The following ATRN variants were observed in gnomAD, a reference collection of about 807,000 sequenced individuals.
ATRN encodes attractin, also known as attractin-2.
In ATRN, 54 loss-of-function variants were observed where a neutral mutation model predicts 178.7. That is an observed-to-expected ratio of 0.30 (90% CI 0.24 to 0.38). The LOEUF is 0.38. ATRN is among the 10% of genes least tolerant of loss of function. ATRN has a pLI of 1.00. For synonymous variants in ATRN, 636 were observed against 663.0 expected (o/e 0.96, Z 0.63); for missense variants, 1,443 against 1,815.1 (o/e 0.79, Z 3.73).
chr20:3,626,196 C>T (rs2086937515), intron 25 of ATRN, among the ~76,000 whole-genome samples: 1 of 147,184 alleles, frequency 6.8e-6, no homozygotes, highest in East Asian at 2.0e-4. Flanking sequence ...TGCACCACTG[C>T]ACTCCATCCT....
At chr20:3,498,290 C>G (rs2084908772) in intron 1 of ATRN, among the ~76,000 whole-genome samples, 1 of 152,138 alleles carries the variant, frequency 6.6e-6, no homozygotes, top group Non-Finnish European at 1.5e-5. Context: ...TGAAACTATT[C>G]CAGTCAATAG....
intron 1 of ATRN, chr20:3,489,762 T>A (rs933095647): frequency 2.8e-6 from 4 of 1,448,610 alleles, no homozygotes; most frequent in East Asian, 2.3e-5. Flanking sequence ...TTCAGCAAAG[T>A]GTCACTGGAA....
At chr20:3,517,706 G>A (rs967571860) in intron 1 of ATRN, among the ~76,000 whole-genome samples, 1 of 151,292 alleles carries the variant, frequency 6.6e-6, no homozygotes, top group African/African-American at 2.4e-5. Flanking sequence ...AGGAGACGGA[G>A]GTTGCAGTCA....
At position 3,547,456 on chromosome 20, in the gene ATRN, G is replaced by A. The variant is rs774183730; in HGVS notation, c.910G>A (p.Val304Ile). 2.5e-6 allele frequency: 4 copies of A among 1,614,154 alleles called. No homozygotes were observed. In the South Asian group the frequency reaches 4.4e-5, roughly 18 times the overall value. The change falls in exon 5 of 29, where the codon GTC (valine) becomes ATC (isoleucine). Residue 304 changes from valine (V) to isoleucine (I), a missense_variant. Around this residue, in one of 4 missense-constraint regions of ATRN, gnomAD observed 862 missense variants for 972.1 expected, o/e 0.89. Transcript: ENST00000262919. ...PHRGICNSSD[V>I]RGCSCFSDWQ... Reference sequence around the variant, plus strand: ...TCGAGGCATCTGCAATTCAAGTGATGTCAGAGGATGCTCCTGCTTCTCAGA... The same window carrying A: ...TCGAGGCATCTGCAATTCAAGTGATATCAGAGGATGCTCCTGCTTCTCAGA...
intron 25 of ATRN, among the ~76,000 whole-genome samples, chr20:3,626,035 C>G (rs891150728): frequency 6.6e-6 from 1 of 151,964 alleles, no homozygotes; most frequent in Non-Finnish European, 1.5e-5. Flanking sequence ...AGTTCGAGAC[C>G]AGCCTGGACA....
intron 12 of ATRN, among the ~76,000 whole-genome samples, chr20:3,575,451 A>G (rs868535026): frequency 4.2e-4 from 64 of 152,300 alleles, no homozygotes; most frequent in African/African-American, 1.4e-3. Context: ...ACTAGGAGGA[A>G]TGACTTGGTG....
chr20:3,584,142 A>C, intron 17 of ATRN, 59 bp downstream of exon 17: 7 of 1,533,942 alleles, frequency 4.6e-6, no homozygotes, highest in South Asian at 2.3e-5. Context: ...GCAACAACTC[A>C]GCCATGAGGC....
intron 24 of ATRN, among the ~76,000 whole-genome samples, chr20:3,622,254 A>T (rs1324175438): frequency 6.6e-6 from 1 of 152,352 alleles, no homozygotes; most frequent in African/African-American, 2.4e-5. Flanking sequence ...AATCTCGTTT[A>T]GAGAATTATG....
chr20:3,562,197 G>T, intron 8 of ATRN, 79 bp from the exon 9 acceptor site: 2 of 1,232,628 alleles, frequency 1.6e-6, no homozygotes, highest in African/African-American at 1.5e-5. Context: ...CCATTCTCAT[G>T]CCCTAAGCTC....
At chr20:3,558,570 A>T (rs1647672765) in intron 6 of ATRN, among the ~76,000 whole-genome samples, 1 of 152,028 alleles carries the variant, frequency 6.6e-6, no homozygotes, top group South Asian at 2.1e-4. Flanking sequence ...AAAATAATTA[A>T]AATCAACACT....
intron 1 of ATRN, among the ~76,000 whole-genome samples, chr20:3,475,341 G>A (rs1162529108): frequency 6.6e-6 from 1 of 152,100 alleles, no homozygotes; most frequent in Non-Finnish European, 1.5e-5. Flanking sequence ...GTGCCACAGA[G>A]CATTTTCATG....
intron 1 of ATRN, among the ~76,000 whole-genome samples, chr20:3,498,843 C>T (rs1482566047): frequency 2.8e-5 from 4 of 142,364 alleles, no homozygotes; most frequent in Non-Finnish European, 6.2e-5. Flanking sequence ...GGCAATTAGG[C>T]AGGAGAAGGA....
At chr20:3,597,164 A>G (rs987698165) in intron 21 of ATRN, among the ~76,000 whole-genome samples, 1 of 151,062 alleles carries the variant, frequency 6.6e-6, no homozygotes, top group African/African-American at 2.4e-5. Flanking sequence ...ATTCATAAAT[A>G]AAAAGTAGAC....
intron 10 of ATRN, among the ~76,000 whole-genome samples, chr20:3,564,326 C>A (rs908460039): frequency 6.6e-6 from 1 of 152,182 alleles, no homozygotes; most frequent in African/African-American, 2.4e-5. Flanking sequence ...ACAGGGAACA[C>A]TTTCTTAAGG....
intron 25 of ATRN, among the ~76,000 whole-genome samples, chr20:3,633,994 A>C (rs537307164): frequency 6.6e-6 from 1 of 152,302 alleles, no homozygotes; most frequent in South Asian, 2.1e-4. Flanking sequence ...TATTTGTTAT[A>C]ATTATCTTAG....
At chr20:3,583,432 A>G (rs187097486) in intron 16 of ATRN, among the ~76,000 whole-genome samples, 1 of 152,338 alleles carries the variant, frequency 6.6e-6, no homozygotes, top group East Asian at 1.9e-4. Context: ...CACTTGACTA[A>G]ACAGTACTTG....
intron 24 of ATRN, 46 bp downstream of exon 24, chr20:3,604,308 T>C: frequency 1.3e-6 from 2 of 1,533,048 alleles, no homozygotes; most frequent in Non-Finnish European, 1.8e-6. Flanking sequence ...TGGTGAAATC[T>C]CTTTAGTAAG....
intron 6 of ATRN, among the ~76,000 whole-genome samples, chr20:3,557,401 C>T (rs760494883): frequency 1.3e-5 from 2 of 152,090 alleles, no homozygotes; most frequent in Admixed American, 1.3e-4. Context: ...GCAACATCTG[C>T]GAAGTTCTGG....
chr20:3,509,004 A>G (rs184951867), intron 1 of ATRN, among the ~76,000 whole-genome samples: 107 of 152,320 alleles, frequency 7.0e-4, no homozygotes, highest in African/African-American at 2.5e-3. Context: ...AAGGATGCAT[A>G]ACATAATAGT....
Sources: gnomAD v4.1 joint callset for allele counts (sites outside exome capture counted in the v4.1 genomes callset) on GRCh38, gnomAD v4.1.1 for gene constraint, gnomAD v4.1.1 regional missense constraint, MANE v1.5 for transcripts, NCBI Gene and HGNC (gene_info 2026-07-23, HGNC 2026-07-21) for gene names.